The following CCDC178 variants were observed in gnomAD, a reference collection of about 807,000 sequenced individuals.
CCDC178 encodes coiled-coil domain-containing protein 178.
Under a neutral mutation model 117.4 loss-of-function variants are expected in CCDC178, and 126 were observed. The ratio of observed to expected loss-of-function variants is 1.07; its 90% CI spans 0.93 to 1.24. The LOEUF is 1.24. Among genes scored for constraint, CCDC178 ranks in the 50% most tolerant of loss-of-function variants. CCDC178 has a pLI of 0.00. For synonymous variants in CCDC178, 283 were observed against 313.4 expected (o/e 0.90, Z 1.02); for missense variants, 1,030 against 986.9 (o/e 1.04, Z -0.59).
chr18:33,268,952 C>T (rs541075930), intron 12 of CCDC178, among the ~76,000 whole-genome samples: 1 of 151,940 alleles, frequency 6.6e-6, no homozygotes, highest in East Asian at 1.9e-4. Flanking sequence ...AGTCCTATCA[C>T]TTCAGCTCCA....
At chr18:33,266,371 CTG>C (rs2059814344) in intron 14 of CCDC178, among the ~76,000 whole-genome samples, 1 of 151,770 alleles carries the variant, frequency 6.6e-6, no homozygotes, top group Non-Finnish European at 1.5e-5. Flanking sequence ...TTGGTACAAT[CTG>C]TGGTTTCAGA....
At chr18:33,198,530 G>C (rs1442440732) in intron 20 of CCDC178, among the ~76,000 whole-genome samples, 1 of 152,082 alleles carries the variant, frequency 6.6e-6, no homozygotes, top group East Asian at 1.9e-4. Context: ...TTTAAAGGAA[G>C]GTGGACAGGA....
At chr18:33,323,263 A>T (rs1373152972) in intron 11 of CCDC178, 1 of 260,554 alleles carries the variant, frequency 3.8e-6, no homozygotes, top group Non-Finnish European at 7.0e-6. Flanking sequence ...GAAGAGCTTT[A>T]AGATGACACA....
At chr18:33,092,502 T>C (rs1408665029) in intron 21 of CCDC178, among the ~76,000 whole-genome samples, 1 of 152,056 alleles carries the variant, frequency 6.6e-6, no homozygotes, top group Non-Finnish European at 1.5e-5. Context: ...GATAAAAAAT[T>C]GGCATTTCTC....
intron 11 of CCDC178, among the ~76,000 whole-genome samples, chr18:33,321,591 G>C (rs930566289): frequency 6.6e-6 from 1 of 151,888 alleles, no homozygotes; most frequent in African/African-American, 2.4e-5. Flanking sequence ...ATTGTCAGCA[G>C]GATAACAGTA....
chr18:33,202,151 T>C (rs913865986), intron 20 of CCDC178, among the ~76,000 whole-genome samples: 2 of 151,864 alleles, frequency 1.3e-5, no homozygotes, highest in Non-Finnish European at 2.9e-5. Context: ...TCCCAGCACT[T>C]TGGGAGGCCG....
chr18:32,963,145 A>G (rs980959719), intron 22 of CCDC178, among the ~76,000 whole-genome samples: 2 of 152,064 alleles, frequency 1.3e-5, no homozygotes, highest in African/African-American at 4.8e-5. Context: ...TGTCCTGAGG[A>G]TGAGCATGGA....
At chr18:33,018,509 G>T (rs1438604817) in intron 21 of CCDC178, among the ~76,000 whole-genome samples, 1 of 151,994 alleles carries the variant, frequency 6.6e-6, no homozygotes, top group Non-Finnish European at 1.5e-5. Flanking sequence ...AGTGATGAAT[G>T]AATAAACAAA....
At chr18:33,326,630 G>A (rs1220361420) in intron 10 of CCDC178, among the ~76,000 whole-genome samples, 2 of 151,946 alleles carry the variant, frequency 1.3e-5, no homozygotes, top group African/African-American at 4.8e-5. Flanking sequence ...CTCTAAAGGG[G>A]GCAACTCTTT....
At chr18:33,028,043 A>C (rs1331532245) in intron 21 of CCDC178, among the ~76,000 whole-genome samples, 1 of 151,774 alleles carries the variant, frequency 6.6e-6, no homozygotes, top group African/African-American at 2.4e-5. Context: ...AGAACTTCAA[A>C]GTTTGAGAAT....
intron 8 of CCDC178, among the ~76,000 whole-genome samples, chr18:33,348,275 G>A (rs574505825): frequency 3.3e-5 from 5 of 151,824 alleles, no homozygotes; most frequent in African/African-American, 1.2e-4. Context: ...TGTGGTAGGG[G>A]AAGAGGAGGT....
At chr18:33,105,575 AGGAATG>A (rs1467676863) in intron 20 of CCDC178, among the ~76,000 whole-genome samples, 1 of 151,736 alleles carries the variant, frequency 6.6e-6, no homozygotes, top group African/African-American at 2.4e-5. Context: ...AGAATTATAC[AGGAATG>A]GTATTTTGTT....
chr18:33,381,056 C>T (rs983416765), intron 5 of CCDC178, among the ~76,000 whole-genome samples: 2 of 152,186 alleles, frequency 1.3e-5, no homozygotes, highest in African/African-American at 2.4e-5. Context: ...CCTCCACCTT[C>T]TCATTCAAGT....
chr18:33,031,976 G>A (rs1332641615), intron 21 of CCDC178, among the ~76,000 whole-genome samples: 2 of 152,030 alleles, frequency 1.3e-5, no homozygotes, highest in Non-Finnish European at 2.9e-5. Flanking sequence ...ATAATGTTGA[G>A]TGGAAGAAGC....
intron 11 of CCDC178, among the ~76,000 whole-genome samples, chr18:33,322,623 T>G (rs1026843619): frequency 6.6e-6 from 1 of 151,644 alleles, no homozygotes; most frequent in African/African-American, 2.4e-5. Context: ...TAATAACCCA[T>G]GGGTCAAAGA....
chr18:33,046,977 CATTT>C (rs1183391031), intron 21 of CCDC178, among the ~76,000 whole-genome samples: 1 of 152,132 alleles, frequency 6.6e-6, no homozygotes, highest in Non-Finnish European at 1.5e-5. Context: ...TCAGCTTTGA[CATTT>C]ATTATGTATG....
Position 33,383,568 on chromosome 18 carries a change from CAA to C in CCDC178, c.208+5970_208+5971del, listed in dbSNP as rs1378331454. Among the ~76,000 whole-genome samples, 3 of 152,152 alleles carry C rather than the reference CAA, an allele frequency of 2.0e-5. No individual in the cohort carries two copies. In the East Asian group the frequency reaches 5.8e-4, roughly 30 times the overall value. On this transcript the variant is annotated intron_variant, in intron 5 of 22. Transcript: ENST00000383096. Reference sequence around the variant, plus strand: ...GCATCCTCCACTGGTGCTACCCAGGCAAACAGAGTCTGGAGTGGACACCTAGC... The same window carrying C: ...GCATCCTCCACTGGTGCTACCCAGGCACAGAGTCTGGAGTGGACACCTAGC...
chr18:33,347,732 G>A (rs1320027700), intron 8 of CCDC178, among the ~76,000 whole-genome samples: 2 of 152,000 alleles, frequency 1.3e-5, no homozygotes, highest in Non-Finnish European at 2.9e-5. Flanking sequence ...GAATATATAT[G>A]TGTTTTAGCA....
chr18:33,023,774 A>C (rs2056170007), intron 21 of CCDC178, among the ~76,000 whole-genome samples: 2 of 152,134 alleles, frequency 1.3e-5, no homozygotes, highest in Non-Finnish European at 1.5e-5. Flanking sequence ...CAATAAAATA[A>C]AGATCTAAAT....
Sources: allele counts gnomAD v4.1 joint callset (sites outside exome capture counted in the v4.1 genomes callset), GRCh38; gene constraint gnomAD v4.1.1; transcripts MANE v1.5; gene names NCBI Gene and HGNC (gene_info 2026-07-23, HGNC 2026-07-21).